CYSTM1: variants seen among roughly 807,000 people sequenced by gnomAD.
CYSTM1 encodes cysteine rich transmembrane module containing 1, also known as cysteine-rich transmembrane module-containing protein 1.
In CYSTM1, 4 loss-of-function variants were observed where a neutral mutation model predicts 13.1. The observed-to-expected ratio is 0.31, with a 90% CI of 0.15 to 0.70. The LOEUF (loss-of-function observed/expected upper bound fraction) is 0.70. Among genes scored for constraint, CYSTM1 ranks in the 30% least tolerant of loss-of-function variants. CYSTM1 has a pLI of 0.72. For synonymous variants in CYSTM1, 36 were observed against 42.7 expected (o/e 0.84, Z 0.62); for missense variants, 96 against 121.6 (o/e 0.79, Z 0.99).
intron 1 of CYSTM1, among the ~76,000 whole-genome samples, chr5:140,191,588 T>G (rs1045558377): frequency 6.6e-6 from 1 of 152,204 alleles, no homozygotes; most frequent in African/African-American, 2.4e-5. Flanking sequence ...TTCAATACTC[T>G]GTTCTTTTTT....
At chr5:140,186,561 C>T (rs1764017391) in intron 1 of CYSTM1, among the ~76,000 whole-genome samples, 1 of 152,198 alleles carries the variant, frequency 6.6e-6, no homozygotes, top group Non-Finnish European at 1.5e-5. Flanking sequence ...GTTATCTCTA[C>T]TTTGAGCTTA....
chr5:140,196,000 A>G (rs1271125911), intron 2 of CYSTM1, among the ~76,000 whole-genome samples: 4 of 148,134 alleles, frequency 2.7e-5, no homozygotes, highest in Non-Finnish European at 6.0e-5. Context: ...AGCCAAGGTC[A>G]CACCATGCAC....
At position 140,230,513 on chromosome 5, in the gene CYSTM1, T is replaced by C. The variant is rs570819308; in HGVS notation, c.188-12792T>C. 6.6e-6 allele frequency among the ~76,000 whole-genome samples: 1 copy of C among 152,278 alleles called. No homozygotes were observed. Among genetic ancestry groups the C allele is most frequent in the African/African-American group, 2.4e-5 (1 of 41,546 alleles). ...TTGGAAAGTCCTGGGGCATGTACAA[T>C]AATCTCTTCATGCTACCTCTTGGAT... On this transcript the variant is annotated intron_variant, in intron 2 of 2. Transcript: ENST00000261811. This position sits in a 1 kb window ranked among gnomAD's most constrained non-coding sequence, Gnocchi z 4.1.
At chr5:140,238,020 G>A (rs1017447212) in intron 2 of CYSTM1, among the ~76,000 whole-genome samples, 1 of 152,214 alleles carries the variant, frequency 6.6e-6, no homozygotes, top group Non-Finnish European at 1.5e-5. Flanking sequence ...ATGGCAACCT[G>A]AATGCTTGTT....
At chr5:140,224,137 TTTTG>T (rs1764521538) in intron 2 of CYSTM1, among the ~76,000 whole-genome samples, 2 of 152,186 alleles carry the variant, frequency 1.3e-5, no homozygotes, top group South Asian at 2.1e-4. Flanking sequence ...GAGTTTATTT[TTTTG>T]TTTGTTTGTT....
chr5:140,195,565 CTGAG>C (rs986232452), intron 2 of CYSTM1, among the ~76,000 whole-genome samples: 14 of 151,402 alleles, frequency 9.2e-5, no homozygotes, highest in African/African-American at 3.4e-4. Flanking sequence ...CCTCAGCCTC[CTGAG>C]TAACTAGGAC....
At chr5:140,185,139 G>A (rs773392597) in intron 1 of CYSTM1, among the ~76,000 whole-genome samples, 2 of 152,224 alleles carry the variant, frequency 1.3e-5, no homozygotes, top group Admixed American at 6.5e-5. Flanking sequence ...TTTTGTATCA[G>A]ATATTTTTTG....
intron 1 of CYSTM1, among the ~76,000 whole-genome samples, chr5:140,187,780 A>G (rs1764036342): frequency 6.6e-6 from 1 of 152,224 alleles, no homozygotes; most frequent in South Asian, 2.1e-4. Context: ...TCCAAGATAG[A>G]GAAGTCTGTA....
At chr5:140,231,344 G>T (rs989424070) in intron 2 of CYSTM1, among the ~76,000 whole-genome samples, 1 of 152,074 alleles carries the variant, frequency 6.6e-6, no homozygotes, top group African/African-American at 2.4e-5. Flanking sequence ...ATTCCCTTGG[G>T]GGCAGTTCAG....
intron 2 of CYSTM1, among the ~76,000 whole-genome samples, chr5:140,207,784 G>T (rs1383853511): frequency 6.6e-6 from 1 of 152,076 alleles, no homozygotes; most frequent in Admixed American, 6.5e-5. Context: ...CTCCTCTCTT[G>T]GCTTAGTATA....
intron 2 of CYSTM1, among the ~76,000 whole-genome samples, chr5:140,229,935 A>G (rs1347113917): frequency 6.6e-6 from 1 of 152,076 alleles, no homozygotes; most frequent in Admixed American, 6.6e-5. Flanking sequence ...CAGTGTCACG[A>G]TCTCGGCTCA....
At chr5:140,212,291 G>A (rs955930140) in intron 2 of CYSTM1, among the ~76,000 whole-genome samples, 10 of 152,194 alleles carry the variant, frequency 6.6e-5, no homozygotes, top group Admixed American at 3.3e-4. Flanking sequence ...TTATAATGGA[G>A]CTGGAAAATT....
At chr5:140,208,476 A>C (rs1033653828) in intron 2 of CYSTM1, among the ~76,000 whole-genome samples, 4 of 152,238 alleles carry the variant, frequency 2.6e-5, no homozygotes, top group African/African-American at 9.7e-5. Context: ...TAGTGGATAC[A>C]AAAGAATAGT....
At chr5:140,237,995 C>G (rs968870618) in intron 2 of CYSTM1, among the ~76,000 whole-genome samples, 3 of 152,212 alleles carry the variant, frequency 2.0e-5, no homozygotes. Flanking sequence ...AACGCCCGCA[C>G]CTGTCTGGAG....
At chr5:140,236,610 TACA>T (rs555893079) in intron 2 of CYSTM1, among the ~76,000 whole-genome samples, 28 of 152,364 alleles carry the variant, frequency 1.8e-4, no homozygotes, top group Admixed American at 6.5e-4. Context: ...TTGTTCTCAT[TACA>T]ACATTTTCCT....
intron 2 of CYSTM1, among the ~76,000 whole-genome samples, chr5:140,237,777 T>C (rs1029990670): frequency 6.6e-6 from 1 of 152,186 alleles, no homozygotes; most frequent in Non-Finnish European, 1.5e-5. Flanking sequence ...GTGAATGAGA[T>C]GACTCATTCA....
chr5:140,213,359 A>G (rs1764393543), intron 2 of CYSTM1, among the ~76,000 whole-genome samples: 2 of 152,198 alleles, frequency 1.3e-5, no homozygotes, highest in Non-Finnish European at 2.9e-5. Context: ...TAATATATTT[A>G]TGTTTTAAGC....
chr5:140,236,302 G>C (rs1314997650), intron 2 of CYSTM1, among the ~76,000 whole-genome samples: 5 of 152,160 alleles, frequency 3.3e-5, no homozygotes, highest in Admixed American at 3.3e-4. Context: ...TGGCATTTCT[G>C]TGGATGTGCG....
intron 2 of CYSTM1, among the ~76,000 whole-genome samples, chr5:140,235,408 C>CTTTT (rs11310816): frequency 7.2e-6 from 1 of 139,520 alleles, no homozygotes; most frequent in Non-Finnish European, 1.6e-5. Flanking sequence ...AAAAACTTTC[C>CTTTT]TTTTTTTTTT....
Sources: allele counts gnomAD v4.1 joint callset (sites outside exome capture counted in the v4.1 genomes callset), GRCh38; gene constraint gnomAD v4.1.1; non-coding constraint Gnocchi (gnomAD v3.1); transcripts MANE v1.5; gene names NCBI Gene and HGNC (gene_info 2026-07-23, HGNC 2026-07-21).